Variants in DGKB observed in about 807,000 individuals in gnomAD.
The protein encoded by DGKB is 90 kDa diacylglycerol kinase.
In DGKB, 67 loss-of-function variants were observed where a neutral mutation model predicts 114.3. That is an observed-to-expected ratio of 0.59 (90% CI 0.48 to 0.72). DGKB has a LOEUF of 0.72. Ranked by LOEUF, DGKB falls within the 30% of genes least tolerant of loss-of-function variation. DGKB has a pLI of 0.00. For synonymous variants in DGKB, 398 were observed against 323.1 expected (o/e 1.23, Z -2.49); for missense variants, 907 against 975.2 (o/e 0.93, Z 0.93).
At position 14,147,105 on chromosome 7, in the gene DGKB, C is replaced by A. The variant is rs1481311891; in HGVS notation, c.*2026G>T. On this transcript the variant is annotated 3_prime_UTR_variant, in exon 26 of 26. Coordinates refer to ENST00000402815, the MANE Select transcript of DGKB (RefSeq NM_001350709.2). ...TCAATTCATGTGAAAATATTTATTA[C>A]CTGCAACCATAGATACAAAAAATCA... 6.6e-6 allele frequency: 1 copy of A among 152,114 alleles called. No homozygotes were observed. Among genetic ancestry groups the A allele is most frequent in the East Asian group, 1.9e-4 (1 of 5,198 alleles). 9.4% of individuals were successfully genotyped at this position (152,114 alleles called of 1,614,324 possible).
intron 20 of DGKB, among the ~76,000 whole-genome samples, chr7:14,520,210 A>ATTTTTTTTTTTTTTTTTTTTTTTTTTTT (rs386409562): frequency 8.4e-6 from 1 of 119,140 alleles, no homozygotes; most frequent in Non-Finnish European, 1.7e-5. Flanking sequence ...CTTTTTTCCT[A>ATTTTTTTTTTTTTTTTTTTTTTTTTTTT]TTTTTTTTTT....
chr7:14,157,652 CAT>C (rs1314360982), intron 25 of DGKB, among the ~76,000 whole-genome samples: 1 of 152,124 alleles, frequency 6.6e-6, no homozygotes, highest in Non-Finnish European at 1.5e-5. Context: ...TCTCTTTTAA[CAT>C]ATAAATTGTG....
At chr7:14,785,717 G>A (rs1210422283) in intron 2 of DGKB, among the ~76,000 whole-genome samples, 1 of 151,950 alleles carries the variant, frequency 6.6e-6, no homozygotes, top group African/African-American at 2.4e-5. Flanking sequence ...ATTAAATATT[G>A]AAACATAACC....
intron 2 of DGKB, among the ~76,000 whole-genome samples, chr7:14,820,166 C>T (rs1251697770): frequency 6.6e-6 from 1 of 151,914 alleles, no homozygotes; most frequent in African/African-American, 2.4e-5. Context: ...TGGCTTTAAG[C>T]CATACTTGGT....
chr7:14,174,672 TACC>T (rs1306832467), intron 25 of DGKB, among the ~76,000 whole-genome samples: 1 of 152,076 alleles, frequency 6.6e-6, no homozygotes, highest in African/African-American at 2.4e-5. Flanking sequence ...TCACCACCAT[TACC>T]ACGAGTTTTA....
chr7:14,695,129 T>C lies in DGKB; in HGVS notation c.592-935A>G, dbSNP rs559947922. 5.9e-5 allele frequency among the ~76,000 whole-genome samples: 9 copies of C among 152,330 alleles called. No homozygotes were observed. The East Asian group carries it at 7.7e-4, about 13-fold the overall frequency. On this transcript the variant is annotated intron_variant, in intron 8 of 25. Transcript: ENST00000402815. ...AATATTTGATTTGTTGGTAGAAGTA[T>C]TGTCTGCCTAGACACTCTTGTGCTT...
chr7:14,814,825 T>C (rs1162955871), intron 2 of DGKB, among the ~76,000 whole-genome samples: 2 of 152,196 alleles, frequency 1.3e-5, no homozygotes, highest in African/African-American at 4.8e-5. Flanking sequence ...GGTAACTTTA[T>C]TCATTTAACC....
chr7:14,761,021 T>C (rs879057687), intron 2 of DGKB, among the ~76,000 whole-genome samples: 2 of 152,180 alleles, frequency 1.3e-5, no homozygotes, highest in Admixed American at 6.5e-5. Context: ...CAATTTAAAG[T>C]GCTCTAGTTG....
intron 23 of DGKB, among the ~76,000 whole-genome samples, chr7:14,186,544 T>C (rs937750554): frequency 1.3e-5 from 2 of 152,182 alleles, no homozygotes; most frequent in East Asian, 3.8e-4. Flanking sequence ...AAAGAAGTCA[T>C]TATTCAGAAA....
intron 1 of DGKB, among the ~76,000 whole-genome samples, chr7:14,871,768 G>T (rs921186416): frequency 6.6e-5 from 10 of 152,152 alleles, no homozygotes; most frequent in Admixed American, 2.0e-4. Flanking sequence ...TTACAAAAAT[G>T]TTAACATATT....
intron 1 of DGKB, among the ~76,000 whole-genome samples, chr7:14,960,358 T>C (rs117485444): frequency 0.01 from 1,528 of 152,134 alleles, 78 homozygotes; most frequent in Admixed American, 0.083. Flanking sequence ...AATGAAGTTT[T>C]CACCTAAAAA....
At chr7:14,557,562 T>C (rs1336688812) in intron 20 of DGKB, among the ~76,000 whole-genome samples, 6 of 152,108 alleles carry the variant, frequency 3.9e-5, no homozygotes. Flanking sequence ...TTAATTTGAC[T>C]ATTGCTTATT....
intron 23 of DGKB, chr7:14,191,721 A>T (rs1031373860): frequency 1.2e-5 from 4 of 342,730 alleles, no homozygotes; most frequent in South Asian, 1.1e-4. Flanking sequence ...CACGTCAAAG[A>T]TGTTCACTGT....
At chr7:14,693,748 T>A (rs1170364361) in intron 9 of DGKB, among the ~76,000 whole-genome samples, 4 of 151,830 alleles carry the variant, frequency 2.6e-5, no homozygotes, top group Non-Finnish European at 5.9e-5. Context: ...CAAAATACAA[T>A]AATACTGGAG....
intron 18 of DGKB, 100 bp from the exon 19 acceptor site, chr7:14,581,051 A>C: frequency 1.6e-6 from 1 of 636,188 alleles, no homozygotes; most frequent in Non-Finnish European, 2.6e-6. Context: ...AGGAATTCCA[A>C]TAGGTACTCA....
intron 20 of DGKB, among the ~76,000 whole-genome samples, chr7:14,543,489 A>G (rs1017944333): frequency 6.6e-6 from 1 of 151,992 alleles, no homozygotes; most frequent in Non-Finnish European, 1.5e-5. Context: ...CCTAAATACA[A>G]TAGAGTTAGA....
intron 25 of DGKB, among the ~76,000 whole-genome samples, chr7:14,161,245 G>T (rs1391899804): frequency 6.6e-6 from 1 of 152,214 alleles, no homozygotes; most frequent in African/African-American, 2.4e-5. Context: ...CATTGTGGAA[G>T]ACAGTGTGGC....
intron 23 of DGKB, among the ~76,000 whole-genome samples, chr7:14,255,379 G>A (rs1440834111): frequency 1.3e-5 from 2 of 152,090 alleles, no homozygotes; most frequent in African/African-American, 4.8e-5. Flanking sequence ...ATACTCTTAT[G>A]ATGATAAAGA....
At chr7:14,613,615 C>T (rs182625633) in intron 15 of DGKB, among the ~76,000 whole-genome samples, 1 of 151,610 alleles carries the variant, frequency 6.6e-6, no homozygotes, top group East Asian at 1.9e-4. Flanking sequence ...AGGAAAACCT[C>T]CTCCACAAAG....
Sources: allele counts gnomAD v4.1 joint callset (sites outside exome capture counted in the v4.1 genomes callset), GRCh38; gene constraint gnomAD v4.1.1; transcripts MANE v1.5; gene names NCBI Gene and HGNC (gene_info 2026-07-23, HGNC 2026-07-21).